Variants in GRIP2 observed in about 807,000 individuals in gnomAD.
GRIP2 encodes glutamate receptor interacting protein 2, also known as glutamate receptor-interacting protein 2.
A neutral mutation model predicts 108.3 loss-of-function variants in GRIP2; 58 were observed. That is an observed-to-expected ratio of 0.54 (90% CI 0.43 to 0.67). GRIP2 has a LOEUF of 0.67. Ranked by LOEUF, GRIP2 falls within the 30% of genes least tolerant of loss-of-function variation. The probability of loss-of-function intolerance (pLI) is 0.00; values close to 1 mark genes in which losing one functional copy is unlikely to be tolerated. For missense variants in GRIP2, 1,278 were observed against 1,430.6 expected (o/e 0.89, Z 1.72); for synonymous variants, 586 against 598.2 (o/e 0.98, Z 0.30).
At chr3:14,501,808 T>C (rs987107539) in intron 21 of GRIP2, among the ~76,000 whole-genome samples, 16 of 152,132 alleles carry the variant, frequency 1.1e-4, no homozygotes, top group African/African-American at 3.9e-4. Flanking sequence ...ACTTAGGTAA[T>C]AATAAAAGAT....
intron 21 of GRIP2, among the ~76,000 whole-genome samples, chr3:14,501,726 T>G (rs1008552422): frequency 1.3e-5 from 2 of 152,204 alleles, no homozygotes; most frequent in Non-Finnish European, 2.9e-5. Flanking sequence ...ACTTATTTTT[T>G]GATTTACTTA....
In GRIP2 at chr3:14,507,459, T is replaced by C; in HGVS notation, c.2218+102A>G. The C allele has an allele frequency of 7.1e-7, 1 of 1,411,760 alleles. No individual in the cohort carries two copies. Among genetic ancestry groups the C allele is most frequent in the Non-Finnish European group, 9.9e-7 (1 of 1,014,706 alleles). The allele number at this position is 1,411,760 out of a possible 1,614,324, so 87.5% of individuals were successfully genotyped here. On this transcript the variant is annotated intron_variant, in intron 18 of 23. Transcript: ENST00000621039. This position sits in a 1 kb window ranked among gnomAD's most constrained non-coding sequence, Gnocchi z 4.6. Reference sequence around the variant, plus strand: ...CATCGCAGGCCCGCCTCCACAGGGCTGCAGTGAGGACTCTGTGAGGGTGTG... The same window carrying C: ...CATCGCAGGCCCGCCTCCACAGGGCCGCAGTGAGGACTCTGTGAGGGTGTG...
At chr3:14,571,687 G>A in the GRIP2 span, among the ~76,000 whole-genome samples, 3 of 152,150 alleles carry the variant, frequency 2.0e-5, no homozygotes, top group African/African-American at 7.2e-5. Flanking sequence ...CTCACTGTAG[G>A]GAACATGAGG....
chr3:14,503,307 A>G (rs1574992968), intron 21 of GRIP2, among the ~76,000 whole-genome samples: 1 of 152,364 alleles, frequency 6.6e-6, no homozygotes, highest in Middle Eastern at 3.4e-3. Flanking sequence ...CCCAATGTAC[A>G]CATGATGATG....
At chr3:14,562,721 CGGTCCTCGG>C in the GRIP2 span, among the ~76,000 whole-genome samples, 11 of 32,208 alleles carry the variant, frequency 3.4e-4, no homozygotes, top group Admixed American at 1.3e-3. Context: ...ATGAGGCAGA[CGGTCCTCGG>C]ACTCCCGAGG....
chr3:14,573,431 C>G, the GRIP2 span: 23 of 1,425,962 alleles, frequency 1.6e-5, no homozygotes, highest in Non-Finnish European at 2.3e-5. Context: ...TCCTGGTGTG[C>G]AGGAAGAGGG....
At chr3:14,587,789 T>C in the GRIP2 span, among the ~76,000 whole-genome samples, 1 of 152,140 alleles carries the variant, frequency 6.6e-6, no homozygotes, top group African/African-American at 2.4e-5. Flanking sequence ...GCCCAGCACA[T>C]GGTAGTAAAT....
chr3:14,577,306 ATGTT>A, the GRIP2 span, among the ~76,000 whole-genome samples: 1 of 152,244 alleles, frequency 6.6e-6, no homozygotes, highest in East Asian at 1.9e-4. Context: ...AAATAGAAAA[ATGTT>A]TGTGAGTCAG....
chr3:14,530,497 T>A (rs1694682063), intron 1 of GRIP2, among the ~76,000 whole-genome samples: 1 of 152,250 alleles, frequency 6.6e-6, no homozygotes, highest in Admixed American at 6.5e-5. Flanking sequence ...CAGTCAATGA[T>A]CACAGTATAT....
rs12485528 is a variant in GRIP2 at position 14,505,109 on chromosome 3, G to C, written c.2573+506C>G. Among the ~76,000 whole-genome samples the C allele has an allele frequency of 6.6e-6, 1 of 152,144 alleles. No individual in the cohort carries two copies. Among genetic ancestry groups the C allele is most frequent in the Non-Finnish European group, 1.5e-5 (1 of 68,012 alleles). On this transcript the variant is annotated intron_variant, in intron 20 of 23. Transcript: ENST00000621039. This position sits in a 1 kb window ranked among gnomAD's most constrained non-coding sequence, Gnocchi z 4.2. ...CAGGAGAGACCAGGGGAAAGGCATC[G>C]AGGCAGAAGGAACCGCCTGATCAAA...
intron 23 of GRIP2, among the ~76,000 whole-genome samples, chr3:14,494,536 C>G (rs1432486531): frequency 6.6e-6 from 1 of 152,232 alleles, no homozygotes; most frequent in Non-Finnish European, 1.5e-5. Flanking sequence ...AGTCTGTCTC[C>G]TCTGCTGTGG....
chr3:14,588,937 C>A, the GRIP2 span, among the ~76,000 whole-genome samples: 1 of 152,200 alleles, frequency 6.6e-6, no homozygotes, highest in Non-Finnish European at 1.5e-5. Context: ...ACCCAGCCCC[C>A]CAAAACCTGC....
chr3:14,505,829 C>T lies in GRIP2; in HGVS notation c.2399-40G>A. ...AGGGCCTCTGTGTTCCCTGCGGCCTCACCTTGCCCTCCTGCCTGCCCCATT... is the reference window on the plus strand; with the variant it reads ...AGGGCCTCTGTGTTCCCTGCGGCCTTACCTTGCCCTCCTGCCTGCCCCATT... On this transcript the variant is annotated intron_variant, in intron 19 of 23. Coordinates refer to ENST00000621039, the MANE Select transcript of GRIP2 (RefSeq NM_001080423.4). This position sits in a 1 kb window ranked among gnomAD's most constrained non-coding sequence, Gnocchi z 4.2. 6.8e-7 allele frequency: 1 copy of T among 1,467,308 alleles called. No individual in the cohort carries two copies. The highest frequency in any genetic ancestry group is 9.0e-7 in the Non-Finnish European group (1 of 1,107,786). The allele number at this position is 1,467,308 out of a possible 1,614,324, so 90.9% of individuals were successfully genotyped here. A position where few individuals can be genotyped will look rare whatever the true frequency, so the allele number is the denominator to read the frequency against.
chr3:14,494,828 C>G lies in GRIP2; in HGVS notation c.2970+15G>C, dbSNP rs753831354. The G allele has an allele frequency of 2.5e-5, 40 of 1,607,686 alleles. No homozygotes were observed. The East Asian group carries it at 8.9e-4, about 36-fold the overall frequency. On this transcript the variant is annotated intron_variant, in intron 23 of 23. Transcript: ENST00000621039. ...CAATGCCACCCCCACTATGGAGCCC[C>G]TGCCCCAGCATTACCTGCAGGACCC... is the stretch of plus-strand genomic sequence containing the variant.
At chr3:14,509,995 C>G (rs778060913) in intron 16 of GRIP2, 31 bp from the exon 17 acceptor site, 9 of 1,410,848 alleles carry the variant, frequency 6.4e-6, no homozygotes, top group Non-Finnish European at 7.5e-6. Flanking sequence ...GAGGAGGAGG[C>G]CCCCGAGGGG....
chr3:14,496,752 A>G (rs549099396), intron 21 of GRIP2, among the ~76,000 whole-genome samples, 192 bp from the exon 22 acceptor site: 144 of 152,386 alleles, frequency 9.4e-4, no homozygotes, highest in Admixed American at 4.6e-3. Context: ...ACTAACAATG[A>G]GAACAATAAT....
rs927378358 is a variant in GRIP2 at position 14,522,722 on chromosome 3, G to T, written c.566+278C>A. On this transcript the variant is annotated intron_variant, in intron 6 of 23. Coordinates refer to ENST00000621039, the MANE Select transcript of GRIP2 (RefSeq NM_001080423.4). This position sits in a 1 kb window ranked among gnomAD's most constrained non-coding sequence, Gnocchi z 4.3. ...ATTCCACAGACGGGAAAACCAAGGA[G>T]CAGGAAAGGGAAGAACGACACCAAG... The T allele has an allele frequency of 1.6e-4, 69 of 435,634 alleles. No individual in the cohort carries two copies. Among genetic ancestry groups the T allele is most frequent in the Non-Finnish European group, 2.5e-4 (60 of 239,806 alleles). The allele number at this position is 435,634 out of a possible 1,614,324, so 27.0% of individuals were successfully genotyped here.
the GRIP2 span, among the ~76,000 whole-genome samples, chr3:14,579,811 A>G: frequency 6.6e-6 from 1 of 152,190 alleles, no homozygotes; most frequent in East Asian, 1.9e-4. Flanking sequence ...GTATCCATTG[A>G]CCACGAGACC....
intron 1 of GRIP2, among the ~76,000 whole-genome samples, chr3:14,530,185 C>T (rs1242298195): frequency 1.3e-5 from 2 of 152,218 alleles, no homozygotes; most frequent in Admixed American, 6.5e-5. Flanking sequence ...TCCAAGTCTC[C>T]TCTTTCACTG....
Sources: gnomAD v4.1 joint callset for allele counts (sites outside exome capture counted in the v4.1 genomes callset) on GRCh38, gnomAD v4.1.1 for gene constraint, Gnocchi (gnomAD v3.1) non-coding constraint, MANE v1.5 for transcripts, NCBI Gene and HGNC (gene_info 2026-07-23, HGNC 2026-07-21) for gene names.